The following MPP4 variants were observed in gnomAD, a reference collection of about 807,000 sequenced individuals.
The protein encoded by MPP4 is MAGUK p55 scaffold protein 4.
MPP4 carries 91 observed loss-of-function variants against 98.3 expected under a neutral mutation model. The observed-to-expected ratio is 0.93, with a 90% CI of 0.78 to 1.10. The LOEUF (loss-of-function observed/expected upper bound fraction) is 1.10, where lower values mean the gene tolerates loss of function less well. Among genes scored for constraint, MPP4 ranks in the 50% least tolerant of loss-of-function variants. The probability of loss-of-function intolerance (pLI) is 0.00; values close to 1 mark genes in which losing one functional copy is unlikely to be tolerated. For synonymous variants in MPP4, 261 were observed against 271.8 expected (o/e 0.96, Z 0.39); for missense variants, 744 against 792.9 (o/e 0.94, Z 0.74).
At chr2:201,687,196 T>C (rs1574634698) in intron 5 of MPP4, 95 bp downstream of exon 5, 1 of 1,034,512 alleles carries the variant, frequency 9.7e-7, no homozygotes, top group East Asian at 2.6e-5. Flanking sequence ...AGAACATCTA[T>C]TCAGAGAGAA....
chr2:201,692,798 G>C lies in MPP4; in HGVS notation c.201+110C>G, dbSNP rs1057077232. 9 of 1,451,072 alleles carry C rather than the reference G, an allele frequency of 6.2e-6. No individual in the cohort carries two copies. In the African/African-American group the frequency reaches 1.3e-4, roughly 21 times the overall value. 89.9% of individuals were successfully genotyped at this position (1,451,072 alleles called of 1,614,324 possible). On this transcript the variant is annotated intron_variant, in intron 3 of 21. Transcript: ENST00000409474. Reference sequence around the variant, plus strand: ...GAACTGTGAGATATCAATTTCTGTTGTTTATAAACTATTCCACTATCCAGC... The same window carrying C: ...GAACTGTGAGATATCAATTTCTGTTCTTTATAAACTATTCCACTATCCAGC...
Position 201,685,115 on chromosome 2 carries a change from CT to C in MPP4, c.522del (p.Asp176ThrfsTer26). On this transcript the variant is annotated frameshift_variant, in exon 7 of 22. Transcript: ENST00000409474. LOFTEE classifies it high-confidence loss of function. Reference protein sequence around the residue: ...LGATIKRHEMTGDILVARIIH... With the variant: ...LGATIKRHEMXGDILVARIIH... ...ATGATCCTGGCCACCAAGATGTCCC[CT>C]GTCATCTCGTGGCGCTTGATGGTGG... 6.2e-7 allele frequency: 1 copy of C among 1,611,968 alleles called. No individual in the cohort carries two copies. The highest frequency in any genetic ancestry group is 1.3e-5 in the African/African-American group (1 of 74,970).
chr2:201,682,950 A>G, intron 7 of MPP4, 34 bp from the exon 8 acceptor site: 2 of 1,559,944 alleles, frequency 1.3e-6, no homozygotes, highest in Non-Finnish European at 1.8e-6. Flanking sequence ...AAAGAAAGAT[A>G]CAAAGAAGTA....
Position 201,645,302 on chromosome 2 carries a change from A to G in MPP4, c.1822T>C (p.Cys608Arg), listed in dbSNP as rs147373901. 9.9e-6 allele frequency: 16 copies of G among 1,613,932 alleles called. No individual in the cohort carries two copies. The highest frequency in any genetic ancestry group is 2.7e-5 in the African/African-American group (2 of 74,936). Residue 608 changes from cysteine (C) to arginine (R), a missense_variant, in exon 22 of 22, where the codon TGT becomes CGT. Cys to Arg is a radical substitution (Grantham distance 180). Transcript: ENST00000409474. ...TGTATGGCAGACAACAACTGGGCAC[A>G]TGCATCGTGCAAGCTGTCATTCACA... is the stretch of plus-strand genomic sequence containing the variant. ...VIVNDSLHDACAQLLSAIQKA... is the reference protein window; with the variant it reads ...VIVNDSLHDARAQLLSAIQKA...
chr2:201,680,899 G>C lies in MPP4; in HGVS notation c.868C>G (p.Arg290Gly), dbSNP rs201910298. Residue 290 changes from arginine (R) to glycine (G), a missense_variant, in exon 10 of 22, where the codon CGA (arginine) becomes GGA (glycine). By Grantham distance (125) the Arg-to-Gly change is moderately radical (BLOSUM62 -2). Coordinates refer to ENST00000409474, the MANE Select transcript of MPP4 (RefSeq NM_033066.3). ...DQNDALWWQA[R>G]KISDPATCAG... ...CAGGTAGCAGGGTCTGAGATTTTTCGGGCCTGCCACCAGAGGGCATCATTC... is the reference window on the plus strand; with the variant it reads ...CAGGTAGCAGGGTCTGAGATTTTTCCGGCCTGCCACCAGAGGGCATCATTC... The C allele has an allele frequency of 1.3e-5, 21 of 1,613,536 alleles. No homozygotes were observed. Among genetic ancestry groups the C allele is most frequent in the Non-Finnish European group, 1.8e-5 (21 of 1,179,794 alleles).
rs770178008 is a variant in MPP4 at position 201,669,088 on chromosome 2, T to TTGTG, written c.1012+641_1012+644dup. 3.2e-3 allele frequency among the ~76,000 whole-genome samples: 454 copies of TTGTG among 141,662 alleles called. 4 individuals carry two copies. Among genetic ancestry groups the TTGTG allele is most frequent in the African/African-American group, 0.011 (418 of 37,304 alleles). The allele number at this position is 141,662 out of a possible 152,430, so 92.9% of individuals were successfully genotyped here. ...TTCTGGAAGCAGAAAGCATCTTGCT[T>TTGTG]TGTGTGTGTGTGTGTGTGTGTGTGT... On this transcript the variant is annotated intron_variant, in intron 12 of 21. Transcript: ENST00000409474.
chr2:201,693,547 T>C (rs148538408), intron 2 of MPP4, among the ~76,000 whole-genome samples: 73 of 152,302 alleles, frequency 4.8e-4, no homozygotes, highest in African/African-American at 1.7e-3. Flanking sequence ...TCTAAACAGA[T>C]TTTAGTGAAT....
intron 12 of MPP4, among the ~76,000 whole-genome samples, chr2:201,669,330 G>C (rs1688272869): frequency 6.6e-6 from 1 of 151,854 alleles, no homozygotes; most frequent in Non-Finnish European, 1.5e-5. Flanking sequence ...CCATAACATG[G>C]GAATAATAAT....
chr2:201,683,286 G>A (rs1688715361), intron 7 of MPP4, among the ~76,000 whole-genome samples: 1 of 152,228 alleles, frequency 6.6e-6, no homozygotes. Flanking sequence ...AAGAGAAAAT[G>A]TGGAGAAACT....
At chr2:201,659,479 A>G (rs188244772) in intron 15 of MPP4, among the ~76,000 whole-genome samples, 206 of 152,276 alleles carry the variant, frequency 1.4e-3, no homozygotes, top group Admixed American at 3.1e-3. Context: ...TAAGAAAATT[A>G]TTTTCAAATT....
chr2:201,671,329 C>T (rs192170454), intron 11 of MPP4, among the ~76,000 whole-genome samples: 16 of 152,274 alleles, frequency 1.1e-4, no homozygotes, highest in African/African-American at 1.9e-4. Flanking sequence ...TTGAAATTCT[C>T]GCTGCCAGCA....
At chr2:201,683,260 G>A (rs1688714423) in intron 7 of MPP4, among the ~76,000 whole-genome samples, 1 of 152,188 alleles carries the variant, frequency 6.6e-6, no homozygotes, top group African/African-American at 2.4e-5. Flanking sequence ...AAGGAAATGG[G>A]GTAGGTATTA....
chr2:201,650,012 A>T, intron 19 of MPP4, 60 bp downstream of exon 19: 1 of 1,425,434 alleles, frequency 7.0e-7, no homozygotes. Context: ...AAAAATAGGG[A>T]ATCTATTTCA....
intron 17 of MPP4, among the ~76,000 whole-genome samples, chr2:201,655,428 TAGA>T (rs1368609492): frequency 6.6e-6 from 1 of 152,228 alleles, no homozygotes; most frequent in Admixed American, 6.5e-5. Flanking sequence ...GGCACATGCT[TAGA>T]AGGATACTGT....
Position 201,680,974 on chromosome 2 carries a change from C to A in MPP4, c.793G>T (p.Asp265Tyr), listed in dbSNP as rs1201300877. 6.2e-7 allele frequency: 1 copy of A among 1,613,924 alleles called. No individual in the cohort carries two copies. The highest frequency in any genetic ancestry group is 1.7e-4 in the Middle Eastern group (1 of 6,060). The part of the protein sequence containing the change: ...PQEDPDIPCM[D>Y]AGLPFQKGDI... Reference sequence around the variant, plus strand: ...CCCTTCTGGAAAGGCAATCCAGCGTCCATGCAGGGGATGTCGGGATCCTCC... The same window carrying A: ...CCCTTCTGGAAAGGCAATCCAGCGTACATGCAGGGGATGTCGGGATCCTCC... Residue 265 changes from aspartate to tyrosine, a missense_variant, in exon 10 of 22, where the codon GAC becomes TAC. Physicochemically the swap from Asp to Tyr is radical, Grantham distance 160. Transcript: ENST00000409474.
intron 11 of MPP4, 102 bp from the exon 12 acceptor site, chr2:201,669,852 A>T (rs1408307218): frequency 1.2e-6 from 1 of 853,688 alleles, no homozygotes; most frequent in Non-Finnish European, 1.6e-6. Context: ...AATGTGCAAA[A>T]ATTATTGTAA....
rs187648390 is a variant in MPP4, at chr2:201,683,677, G to A, written c.575-761C>T. Among the ~76,000 whole-genome samples the A allele has an allele frequency of 3.7e-4, 56 of 151,604 alleles. No homozygotes were observed. In the East Asian group the frequency reaches 8.2e-3, roughly 22 times the overall value. Reference sequence around the variant, plus strand: ...TGAGGCAGGAGAATTGCTTGAACTCGGGAGGCAGAGGTTGCAATGAGCTGT... The same window carrying A: ...TGAGGCAGGAGAATTGCTTGAACTCAGGAGGCAGAGGTTGCAATGAGCTGT... On this transcript the variant is annotated intron_variant, in intron 7 of 21. Coordinates refer to ENST00000409474, the MANE Select transcript of MPP4 (RefSeq NM_033066.3).
At chr2:201,676,861 C>A (rs1261051964) in intron 10 of MPP4, among the ~76,000 whole-genome samples, 1 of 152,200 alleles carries the variant, frequency 6.6e-6, no homozygotes, top group African/African-American at 2.4e-5. Context: ...GATCATGCCA[C>A]TGCACTCCAG....
chr2:201,689,166 C>T (rs970822668), intron 4 of MPP4, among the ~76,000 whole-genome samples: 1 of 151,888 alleles, frequency 6.6e-6, no homozygotes, highest in African/African-American at 2.4e-5. Context: ...CGTCTCTACC[C>T]AAAATACAGA....
Sources: allele counts gnomAD v4.1 joint callset (sites outside exome capture counted in the v4.1 genomes callset), GRCh38; gene constraint gnomAD v4.1.1; transcripts MANE v1.5; gene names NCBI Gene and HGNC (gene_info 2026-07-23, HGNC 2026-07-21).